Variants in GRIP1 observed in about 807,000 individuals in gnomAD.
The protein encoded by GRIP1 is glutamate receptor interacting protein 1, also known as glutamate receptor-interacting protein 1.
In GRIP1, 45 loss-of-function variants were observed where a neutral mutation model predicts 129.9. The ratio of observed to expected loss-of-function variants is 0.35; its 90% CI spans 0.27 to 0.44. GRIP1 has a LOEUF of 0.44. Among genes scored for constraint, GRIP1 ranks in the 20% least tolerant of loss-of-function variants. GRIP1 has a pLI of 1.00. For missense variants in GRIP1, 1,196 were observed against 1,396.8 expected (o/e 0.86, Z 2.29); for synonymous variants, 530 against 520.8 (o/e 1.02, Z -0.24).
chr12:66,942,037 G>A (rs1377236926), intron 1 of GRIP1, among the ~76,000 whole-genome samples: 1 of 152,174 alleles, frequency 6.6e-6, no homozygotes, highest in Non-Finnish European at 1.5e-5. Context: ...ATATCTGCTA[G>A]CTTTCATAGA....
Position 66,758,021 on chromosome 12 carries a change from A to G in GRIP1, c.-420+46032T>C, listed in dbSNP as rs570517206. On this transcript the variant is annotated intron_variant, in intron 1 of 4. Coordinates refer to the GRIP1 transcript ENST00000538373. ...AAATAAAGATCCCATATATTTTACT[A>G]TAAAAATAAAACAGAAAAAATTACA... is the stretch of plus-strand genomic sequence containing the variant. Among the ~76,000 whole-genome samples the G allele has an allele frequency of 1.2e-4, 19 of 152,346 alleles. No individual in the cohort carries two copies. In the South Asian group the frequency reaches 3.7e-3, roughly 30 times the overall value.
intron 1 of GRIP1, among the ~76,000 whole-genome samples, chr12:66,735,664 A>G (rs558514720): frequency 6.6e-6 from 1 of 152,288 alleles, no homozygotes; most frequent in African/African-American, 2.4e-5. Flanking sequence ...CCTGAGAACA[A>G]AGGTGACAGG....
chr12:67,065,226 C>A (rs1257967795), intron 1 of GRIP1: 1 of 152,122 alleles, frequency 6.6e-6, no homozygotes, highest in African/African-American at 2.4e-5. Context: ...GCAGTACCAG[C>A]TACTCAGGAG....
intron 1 of GRIP1, among the ~76,000 whole-genome samples, chr12:67,050,363 A>G (rs2043323789): frequency 6.6e-6 from 1 of 151,234 alleles, no homozygotes; most frequent in African/African-American, 2.5e-5. Flanking sequence ...AATTAGATTG[A>G]TATAGGACCA....
intron 1 of GRIP1, among the ~76,000 whole-genome samples, chr12:66,930,026 C>T (rs943779063): frequency 2.0e-5 from 3 of 149,444 alleles, no homozygotes; most frequent in Non-Finnish European, 4.4e-5. Context: ...CTCATGTTGC[C>T]CAGTTACCCA....
intron 1 of GRIP1, among the ~76,000 whole-genome samples, chr12:66,871,337 G>A (rs1435632080): frequency 2.0e-5 from 3 of 152,002 alleles, no homozygotes; most frequent in Non-Finnish European, 4.4e-5. Flanking sequence ...CTCAGACATA[G>A]AACAGCACGA....
At chr12:67,056,771 T>A (rs1220452282) in intron 1 of GRIP1, among the ~76,000 whole-genome samples, 1 of 152,274 alleles carries the variant, frequency 6.6e-6, no homozygotes. Context: ...CACTGAATAA[T>A]CTTCCTGTTA....
chr12:66,605,066 CAT>C (rs34122251), intron 1 of GRIP1, among the ~76,000 whole-genome samples: 219 of 146,944 alleles, frequency 1.5e-3, no homozygotes, highest in African/African-American at 4.7e-3. Flanking sequence ...TATATATATA[CAT>C]ATATATATAT....
chr12:66,652,547 C>A (rs569845638), intron 1 of GRIP1, among the ~76,000 whole-genome samples: 4 of 152,254 alleles, frequency 2.6e-5, no homozygotes, highest in African/African-American at 9.6e-5. Flanking sequence ...AGTGCTTTGC[C>A]TTCATGGAGA....
At chr12:66,669,553 TAAAC>T (rs1285192967) in intron 1 of GRIP1, among the ~76,000 whole-genome samples, 1 of 152,182 alleles carries the variant, frequency 6.6e-6, no homozygotes, top group Non-Finnish European at 1.5e-5. Context: ...TGTATACAGA[TAAAC>T]AAAGAATTAT....
At chr12:66,772,685 T>G (rs2037856756) in intron 1 of GRIP1, among the ~76,000 whole-genome samples, 2 of 152,200 alleles carry the variant, frequency 1.3e-5, no homozygotes, top group South Asian at 4.1e-4. Flanking sequence ...CCCCAACATC[T>G]AGGCTTGTGC....
At chr12:66,768,792 A>G (rs1191471000) in intron 1 of GRIP1, among the ~76,000 whole-genome samples, 1 of 152,214 alleles carries the variant, frequency 6.6e-6, no homozygotes, top group African/African-American at 2.4e-5. Context: ...AGGGTGAAAA[A>G]AAACTCAGGT....
chr12:66,892,445 C>T (rs991800052), intron 1 of GRIP1, among the ~76,000 whole-genome samples: 6 of 152,144 alleles, frequency 3.9e-5, no homozygotes, highest in Non-Finnish European at 8.8e-5. Flanking sequence ...CAGAGAAATT[C>T]TGTGTATCCT....
chr12:66,555,295 C>A (rs2062286458), intron 2 of GRIP1, among the ~76,000 whole-genome samples: 1 of 152,176 alleles, frequency 6.6e-6, no homozygotes, highest in African/African-American at 2.4e-5. Context: ...TTATCCAAAA[C>A]CACCAAGATG....
chr12:66,824,138 G>C (rs1363706617), intron 1 of GRIP1, among the ~76,000 whole-genome samples: 1 of 152,142 alleles, frequency 6.6e-6, no homozygotes, highest in African/African-American at 2.4e-5. Flanking sequence ...AGTCTGCCAG[G>C]ATTTTTGAAA....
intron 1 of GRIP1, among the ~76,000 whole-genome samples, chr12:66,892,238 A>G (rs1322965184): frequency 6.6e-6 from 1 of 152,094 alleles, no homozygotes; most frequent in Admixed American, 6.6e-5. Flanking sequence ...ACAGGTAGGA[A>G]TTCCATCACC....
At chr12:66,662,871 C>A (rs550456765) in intron 1 of GRIP1, among the ~76,000 whole-genome samples, 35 of 152,258 alleles carry the variant, frequency 2.3e-4, no homozygotes, top group Middle Eastern at 3.4e-3. Context: ...TTGTCATGTT[C>A]ACTGATCTTT....
At chr12:66,612,937 C>T (rs11176317) in intron 1 of GRIP1, among the ~76,000 whole-genome samples, 54,499 of 151,716 alleles carry the variant, frequency 0.36, 10,255 homozygotes, top group African/African-American at 0.44. Context: ...TATTCAATTA[C>T]CGGGGAAAGA....
At position 66,748,169 on chromosome 12, in the gene GRIP1, C is replaced by T. The variant is rs761568236; in HGVS notation, c.-420+55884G>A. ...AAGTATCTGGGACTACAGGGCACAC[C>T]ATCATGTCGGCTAATTTCTGTATTT... is the stretch of plus-strand genomic sequence containing the variant. On this transcript the variant is annotated intron_variant, in intron 1 of 4. Transcript: ENST00000538373. Among the ~76,000 whole-genome samples the T allele has an allele frequency of 3.3e-5, 5 of 152,006 alleles. No homozygotes were observed. In the South Asian group the frequency reaches 6.2e-4, roughly 19 times the overall value.
Sources: allele counts gnomAD v4.1 joint callset (sites outside exome capture counted in the v4.1 genomes callset), GRCh38; gene constraint gnomAD v4.1.1; transcripts MANE v1.5; gene names NCBI Gene and HGNC (gene_info 2026-07-23, HGNC 2026-07-21).